NEK8: variants seen among roughly 807,000 people sequenced by gnomAD.
The protein encoded by NEK8 is serine/threonine-protein kinase Nek8.
A neutral mutation model predicts 77.2 loss-of-function variants in NEK8; 51 were observed. The ratio of observed to expected loss-of-function variants is 0.66; its 90% CI spans 0.53 to 0.83. The LOEUF (loss-of-function observed/expected upper bound fraction) is 0.83, where lower values mean the gene tolerates loss of function less well. Among genes scored for constraint, NEK8 ranks in the 40% least tolerant of loss-of-function variants. The pLI, the probability that NEK8 is intolerant of heterozygous loss-of-function variation, is 0.00. For synonymous variants in NEK8, 365 were observed against 363.2 expected, an observed-to-expected ratio of 1.00 and a Z score of -0.06; for missense variants, 787 against 909.2, an observed-to-expected ratio of 0.87 and a Z score of 1.73.
At chr17:28,731,833 C>G (rs917501812) in intron 1 of NEK8, among the ~76,000 whole-genome samples, 1 of 146,656 alleles carries the variant, frequency 6.8e-6, no homozygotes, top group Non-Finnish European at 1.5e-5. Context: ...TCTCGATCTG[C>G]TGACCTCGTG....
In NEK8 at chr17:28,737,896, AC is replaced by A; in HGVS notation, c.973del (p.Leu325CysfsTer37). ...GTATGCCTGGGGTGGTGGGCTGGGC[AC>A]CCCCCTGCGGCTGCCAATGCTCAAC... ...SVYAWGGGLGTPLRLPMLNTE... is the reference protein window; with the variant it reads ...SVYAWGGGLGXPLRLPMLNTE... On this transcript the variant is annotated frameshift_variant, in exon 7 of 15. Transcript: ENST00000268766. LOFTEE classifies it high-confidence loss of function. The surrounding 1 kb of genome is among the most constrained non-coding windows in gnomAD (Gnocchi z 4.8). The A allele has an allele frequency of 6.2e-7, 1 of 1,613,398 alleles. No individual in the cohort carries two copies. Among genetic ancestry groups the A allele is most frequent in the Non-Finnish European group, 8.5e-7 (1 of 1,179,910 alleles).
chr17:28,738,184 C>T lies in NEK8; in HGVS notation c.1161C>T (p.Gly387=), dbSNP rs1451697201. 2 of 1,614,064 alleles carry T rather than the reference C, an allele frequency of 1.2e-6. No homozygotes were observed. Among genetic ancestry groups the T allele is most frequent in the African/African-American group, 2.7e-5 (2 of 74,922 alleles). ...QPQFISRFLE[G]QSGVTIKHVA... The stretch of plus-strand genomic sequence containing the variant: ...AGTTCATCTCGCGTTTCCTGGAGGG[C>T]CAGTCGGGTGTGACCATCAAGCACG... Residue 387 remains glycine (G), a synonymous_variant, in exon 8 of 15, where the codon GGC becomes GGT. Transcript: ENST00000268766.
At position 28,742,015 on chromosome 17, in the gene NEK8, C is replaced by G. The variant is rs745992731; in HGVS notation, c.*28C>G. ...CACCCGGATTCACCTCTGGACCACC[C>G]TGATATTGCTTCTCCTCTGAATGCT... On this transcript the variant is annotated 3_prime_UTR_variant, in exon 15 of 15. Transcript: ENST00000268766. The G allele has an allele frequency of 3.1e-6, 5 of 1,609,924 alleles. No homozygotes were observed. The South Asian group carries it at 5.5e-5, about 18-fold the overall frequency.
chr17:28,740,689 C>A lies in NEK8; in HGVS notation c.1568+76C>A. 6.3e-7 allele frequency: 1 copy of A among 1,593,128 alleles called. No homozygotes were observed. Among genetic ancestry groups the A allele is most frequent in the Non-Finnish European group, 8.6e-7 (1 of 1,161,636 alleles). ...AAGTGCTCCGTCCATCATTGCCTAC[C>A]TTTCACCAAAGACCAGAATTGAGGG... On this transcript the variant is annotated intron_variant, in intron 11 of 14. Coordinates refer to ENST00000268766, the MANE Select transcript of NEK8 (RefSeq NM_178170.3). The surrounding 1 kb of genome is among the most constrained non-coding windows in gnomAD (Gnocchi z 4.7).
chr17:28,731,627 A>G (rs1288681325), intron 1 of NEK8, among the ~76,000 whole-genome samples: 3 of 151,012 alleles, frequency 2.0e-5, no homozygotes, highest in East Asian at 1.9e-4. Flanking sequence ...TTTCTGAGAC[A>G]GAGTCTCGCT....
At chr17:28,734,582 G>A in intron 2 of NEK8, 190 bp from the exon 3 acceptor site, 1 of 609,118 alleles carries the variant, frequency 1.6e-6, no homozygotes, top group Non-Finnish European at 2.9e-6. Context: ...TACTAAGGAG[G>A]CTGAGGCAGG....
At chr17:28,730,543 G>T (rs2034296843) in intron 1 of NEK8, among the ~76,000 whole-genome samples, 1 of 152,084 alleles carries the variant, frequency 6.6e-6, no homozygotes, top group Non-Finnish European at 1.5e-5. Flanking sequence ...CAAAGTGTTG[G>T]GATTACAGGC....
Position 28,742,577 on chromosome 17 carries a change from G to A in NEK8, c.*590G>A, listed in dbSNP as rs2034436143. Reference sequence around the variant, plus strand: ...CAAAAAAAAAAAAAAAACAAAAAAGGCTGAAGGCAGCTGTAGCTCCACACA... The same window carrying A: ...CAAAAAAAAAAAAAAAACAAAAAAGACTGAAGGCAGCTGTAGCTCCACACA... On this transcript the variant is annotated 3_prime_UTR_variant, in exon 15 of 15. Coordinates refer to ENST00000268766, the MANE Select transcript of NEK8 (RefSeq NM_178170.3). The A allele has an allele frequency of 5.9e-6, 1 of 168,156 alleles. No homozygotes were observed. The allele number at this position is 168,156 out of a possible 1,614,324, so 10.4% of individuals were successfully genotyped here.
rs2034431194 is a variant in NEK8, at chr17:28,742,256, C to A, written c.*269C>A. ...AGCCTGGCTAGAGTTAGAAGGCAGACCTAGCCTTTGGAAGCAGGGTGGCCT... is the reference window on the plus strand; with the variant it reads ...AGCCTGGCTAGAGTTAGAAGGCAGAACTAGCCTTTGGAAGCAGGGTGGCCT... On this transcript the variant is annotated 3_prime_UTR_variant, in exon 15 of 15. Coordinates refer to ENST00000268766, the MANE Select transcript of NEK8 (RefSeq NM_178170.3). 5 of 577,600 alleles carry A rather than the reference C, an allele frequency of 8.7e-6. No individual in the cohort carries two copies. Among genetic ancestry groups the A allele is most frequent in the Non-Finnish European group, 1.6e-5 (5 of 322,322 alleles). 35.8% of individuals were successfully genotyped at this position (577,600 alleles called of 1,614,324 possible).
At chr17:28,738,073 G>A in intron 7 of NEK8, 22 bp from the exon 8 acceptor site, 1 of 1,612,674 alleles carries the variant, frequency 6.2e-7, no homozygotes, top group Non-Finnish European at 8.5e-7. Flanking sequence ...CTCAGGCGCT[G>A]CCCATCCCCC....
At chr17:28,736,265 T>C (rs556955003) in intron 4 of NEK8, among the ~76,000 whole-genome samples, 1 of 152,318 alleles carries the variant, frequency 6.6e-6, no homozygotes, top group East Asian at 1.9e-4. Context: ...AGCAGCATGA[T>C]TTATAATCCT....
At chr17:28,729,798 G>A (rs1362544138) in intron 1 of NEK8, among the ~76,000 whole-genome samples, 1 of 152,092 alleles carries the variant, frequency 6.6e-6, no homozygotes, top group Non-Finnish European at 1.5e-5. Flanking sequence ...CGCCCGCGCC[G>A]GCCTCCCTAA....
chr17:28,740,772 C>A lies in NEK8; in HGVS notation c.1569-50C>A, dbSNP rs747190649. 6.8e-6 allele frequency: 11 copies of A among 1,610,484 alleles called. No homozygotes were observed. The highest frequency in any genetic ancestry group is 9.3e-6 in the Non-Finnish European group (11 of 1,178,224). The stretch of plus-strand genomic sequence containing the variant: ...GGATCTGTCTCCTGGTGCACCAGCT[C>A]CTGCCCAAACTGTCTGTCAGTTGGA... On this transcript the variant is annotated intron_variant, in intron 11 of 14. Coordinates refer to ENST00000268766, the MANE Select transcript of NEK8 (RefSeq NM_178170.3). The surrounding 1 kb of genome is among the most constrained non-coding windows in gnomAD (Gnocchi z 4.7).
intron 4 of NEK8, 24 bp downstream of exon 4, chr17:28,735,395 G>C: frequency 6.2e-7 from 1 of 1,610,364 alleles, no homozygotes; most frequent in Non-Finnish European, 8.5e-7. Flanking sequence ...CCCTCCAGGG[G>C]ACAACTGAGA....
chr17:28,729,165 C>T (rs183079855), intron 1 of NEK8, among the ~76,000 whole-genome samples: 1 of 152,362 alleles, frequency 6.6e-6, no homozygotes, highest in African/African-American at 2.4e-5. Context: ...AGAACCGGAA[C>T]GGGCGTGGTC....
In NEK8 at chr17:28,740,489, T is replaced by C. The variant is rs1344128536; in HGVS notation, c.1444T>C (p.Ser482Pro). The C allele has an allele frequency of 1.2e-6, 2 of 1,613,762 alleles. No individual in the cohort carries two copies. The highest frequency in any genetic ancestry group is 2.2e-5 in the South Asian group (2 of 91,060). Residue 482 changes from serine (S) to proline (P), a missense_variant, in exon 11 of 15, where the codon TCC becomes CCC. This residue lies in a region of NEK8 where 516 missense variants were observed against 544.0 expected (regional missense o/e 0.95). Transcript: ENST00000268766. The surrounding 1 kb of genome is among the most constrained non-coding windows in gnomAD (Gnocchi z 4.7). ...SGRLGLGTRE[S>P]HSCPQQVPMP... ...CAGACTGGGGCTAGGCACCAGGGAG[T>C]CCCACAGCTGCCCCCAGCAGGTGCC...
chr17:28,732,545 C>CTTTT lies in NEK8; in HGVS notation c.48-1417_48-1414dup, dbSNP rs1054257308. Among the ~76,000 whole-genome samples the CTTTT allele has an allele frequency of 3.1e-3, 241 of 77,902 alleles. 1 individual carries two copies. The highest frequency in any genetic ancestry group is 5.4e-3 in the African/African-American group (101 of 18,634). The allele number at this position is 77,902 out of a possible 152,430, so 51.1% of individuals were successfully genotyped here. On this transcript the variant is annotated intron_variant, in intron 1 of 14. Coordinates refer to ENST00000268766, the MANE Select transcript of NEK8 (RefSeq NM_178170.3). Reference sequence around the variant, plus strand: ...CTAGGGCGATTTTCTTTTTTCTTTTCTTTTTTTTTTTTTTTTTTTTTTTTG... The same window carrying CTTTT: ...CTAGGGCGATTTTCTTTTTTCTTTTCTTTTTTTTTTTTTTTTTTTTTTTTTTTTG...
At chr17:28,738,591 C>T (rs1319322112) in intron 8 of NEK8, 80 bp from the exon 9 acceptor site, 5 of 1,292,664 alleles carry the variant, frequency 3.9e-6, no homozygotes, top group Admixed American at 1.7e-5. Context: ...TTTGCTGCTG[C>T]AACCCACTGG....
chr17:28,738,460 C>T (rs1344013320), intron 8 of NEK8, among the ~76,000 whole-genome samples: 1 of 152,170 alleles, frequency 6.6e-6, no homozygotes, highest in Non-Finnish European at 1.5e-5. Flanking sequence ...CCTCATTTGA[C>T]AAGTGGGGAC....
Sources: allele counts gnomAD v4.1 joint callset (sites outside exome capture counted in the v4.1 genomes callset), GRCh38; gene constraint gnomAD v4.1.1; regional missense constraint gnomAD v4.1.1; non-coding constraint Gnocchi (gnomAD v3.1); transcripts MANE v1.5; gene names NCBI Gene and HGNC (gene_info 2026-07-23, HGNC 2026-07-21).